Variants in TNS2 observed in about 807,000 individuals in gnomAD.
The protein encoded by TNS2 is tensin-2.
TNS2 carries 77 observed loss-of-function variants against 155.7 expected under a neutral mutation model. That is an observed-to-expected ratio of 0.49 (90% CI 0.41 to 0.60). The LOEUF (loss-of-function observed/expected upper bound fraction) is 0.60. Among genes scored for constraint, TNS2 ranks in the 20% least tolerant of loss-of-function variants. The pLI, the probability that TNS2 is intolerant of heterozygous loss-of-function variation, is 0.00. For missense variants in TNS2, 1,703 were observed against 1,868.8 expected (o/e 0.91, Z 1.64); for synonymous variants, 726 against 763.9 (o/e 0.95, Z 0.82).
chr12:53,058,617 C>T lies in TNS2; in HGVS notation c.1271C>T (p.Ser424Phe), dbSNP rs1349951423. 4 of 1,613,990 alleles carry T rather than the reference C, an allele frequency of 2.5e-6. No homozygotes were observed. Among genetic ancestry groups the T allele is most frequent in the Admixed American group, 3.3e-5 (2 of 59,990 alleles). The change falls in exon 16 of 29, where the codon TCC becomes TTC. Residue 424 changes from serine to phenylalanine, a missense_variant. Ser to Phe is a radical substitution (Grantham distance 155). Coordinates refer to ENST00000314250, the MANE Select transcript of TNS2 (RefSeq NM_170754.4). ...FQASVEFVFS[S>F]SPEKIKGSTP... is the part of the protein sequence containing the mutation. ...GCCTCCGTGGAGTTTGTCTTCTCCT[C>T]CAGCCCCGAGAAGATCAAAGGTAAG...
chr12:53,063,363 G>A lies in TNS2; in HGVS notation c.4007G>A (p.Arg1336His), dbSNP rs1944444476. Reference protein sequence around the residue: ...TDNQRKLFFRRHYPVNSITFS... With the variant: ...TDNQRKLFFRHHYPVNSITFS... The stretch of plus-strand genomic sequence containing the variant: ...CCTCCTTGCAGGCTCTTCTTTCGCC[G>A]CCATTATCCAGTGAACAGCATCACC... Residue 1336 changes from arginine (R) to histidine (H), a missense_variant, in exon 27 of 29, where the codon CGC becomes CAC. By Grantham distance (29) the Arg-to-His change is conservative (BLOSUM62 0). Transcript: ENST00000314250. This position sits in a 1 kb window ranked among gnomAD's most constrained non-coding sequence, Gnocchi z 5.6. The A allele has an allele frequency of 8.7e-6, 14 of 1,613,900 alleles. No homozygotes were observed. Among genetic ancestry groups the A allele is most frequent in the East Asian group, 2.2e-5 (1 of 44,854 alleles).
In TNS2 at chr12:53,059,150, AC is replaced by A; in HGVS notation, c.1515del (p.Met506CysfsTer14). On this transcript the variant is annotated frameshift_variant, in exon 18 of 29. Transcript: ENST00000314250. LOFTEE classifies it high-confidence loss of function. This position sits in a 1 kb window ranked among gnomAD's most constrained non-coding sequence, Gnocchi z 4.7. ...CGGCACCCTCTCCAGAGCCTCCACCACCCCCCATGCTCTCTGTCAGCAGCGA... is the reference window on the plus strand; with the variant it reads ...CGGCACCCTCTCCAGAGCCTCCACCACCCCCATGCTCTCTGTCAGCAGCGA... Reference protein sequence around the residue: ...PPAPSPEPPPPPMLSVSSDSG... With the variant: ...PPAPSPEPPPXPMLSVSSDSG... 2.5e-6 allele frequency: 4 copies of A among 1,575,844 alleles called. No individual in the cohort carries two copies. Among genetic ancestry groups the A allele is most frequent in the South Asian group, 1.1e-5 (1 of 87,448 alleles).
intron 3 of TNS2, 199 bp from the exon 4 acceptor site, chr12:53,053,212 C>T: frequency 1.7e-6 from 1 of 572,234 alleles, no homozygotes; most frequent in African/African-American, 2.7e-5. Context: ...GCGCCAAGAG[C>T]AACAAGTGGG....
intron 21 of TNS2, 69 bp from the exon 22 acceptor site, chr12:53,061,746 G>C: frequency 1.3e-6 from 2 of 1,557,316 alleles, no homozygotes; most frequent in Non-Finnish European, 1.7e-6. Flanking sequence ...CAGAGGAGGG[G>C]GGCTGCATGG....
Position 53,050,066 on chromosome 12 carries a change from G to A in TNS2, c.-120G>A. ...GCCGGGCTTCTCCTCACACCAGCCA[G>A]ACAGCCTACCCTCCGCCCAGGGGAA... On this transcript the variant is annotated 5_prime_UTR_variant, in exon 1 of 29. Coordinates refer to ENST00000314250, the MANE Select transcript of TNS2 (RefSeq NM_170754.4). This position sits in a 1 kb window ranked among gnomAD's most constrained non-coding sequence, Gnocchi z 4.7. 1 of 1,518,254 alleles carries A rather than the reference G, an allele frequency of 6.6e-7. No homozygotes were observed. The highest frequency in any genetic ancestry group is 8.8e-7 in the Non-Finnish European group (1 of 1,136,564). 94.0% of individuals were successfully genotyped at this position (1,518,254 alleles called of 1,614,324 possible).
chr12:53,058,741 T>C lies in TNS2; in HGVS notation c.1319T>C (p.Val440Ala), dbSNP rs73099912. ...KGSTPRNDPSVSVDYNTTEPA... is the reference protein window; with the variant it reads ...KGSTPRNDPSASVDYNTTEPA... ...AGCACTCCACGGAACGACCCCTCGG[T>C]CTCTGTCGACTACAACACCACTGAG... is the stretch of plus-strand genomic sequence containing the variant. The change falls in exon 17 of 29, where the codon GTC becomes GCC. Residue 440 changes from valine to alanine, a missense_variant. Physicochemically the swap from Val to Ala is moderately conservative, Grantham distance 64. Coordinates refer to ENST00000314250, the MANE Select transcript of TNS2 (RefSeq NM_170754.4). The C allele has an allele frequency of 4.7e-4, 751 of 1,613,910 alleles. No homozygotes were observed. Among genetic ancestry groups the C allele is most frequent in the Non-Finnish European group, 5.9e-4 (694 of 1,179,974 alleles).
At position 53,059,589 on chromosome 12, in the gene TNS2, G is replaced by T. The variant is rs202020569; in HGVS notation, c.1948G>T (p.Gly650Trp). ...GCGCCTCTGCCGATCGCTGTCAGAG[G>T]GGCTATACCCCTACCCACCTGAGAT... Reference protein sequence around the residue: ...KRRLCRSLSEGLYPYPPEMGK... With the variant: ...KRRLCRSLSEWLYPYPPEMGK... Residue 650 changes from glycine to tryptophan, a missense_variant, in exon 18 of 29, where the codon GGG (glycine) becomes TGG (tryptophan). Coordinates refer to ENST00000314250, the MANE Select transcript of TNS2 (RefSeq NM_170754.4). The surrounding 1 kb of genome is among the most constrained non-coding windows in gnomAD (Gnocchi z 4.7). 8.7e-6 allele frequency: 14 copies of T among 1,607,718 alleles called. No individual in the cohort carries two copies. Among genetic ancestry groups the T allele is most frequent in the Non-Finnish European group, 1.2e-5 (14 of 1,177,358 alleles).
chr12:53,054,559 G>T, intron 7 of TNS2, 118 bp downstream of exon 7: 1 of 1,199,460 alleles, frequency 8.3e-7, no homozygotes, highest in Non-Finnish European at 1.1e-6. Flanking sequence ...GACCAGAGTG[G>T]TGGGGTGGGG....
At position 53,062,414 on chromosome 12, in the gene TNS2, C is replaced by T. The variant is rs368415582; in HGVS notation, c.3706C>T (p.Pro1236Ser). The change falls in exon 24 of 29, where the codon CCC becomes TCC. Residue 1236 changes from proline to serine, a missense_variant. Pro to Ser is a moderately conservative substitution (Grantham distance 74, BLOSUM62 -1). Transcript: ENST00000314250. ...SALVSQHSIS[P>S]ISLPCCLRIP... ...CTTGGTCTCCCAGCACTCCATCTCC[C>T]CCATCTCCCTGCCCTGCTGCCTGCG... is the stretch of plus-strand genomic sequence containing the variant. The T allele has an allele frequency of 6.8e-6, 11 of 1,613,926 alleles. No homozygotes were observed. In the African/African-American group the frequency reaches 1.5e-4, roughly 22 times the overall value.
rs761346361 is a variant in TNS2 at position 53,063,629 on chromosome 12, G to C, written c.4091+37G>C. 2.2e-5 allele frequency: 35 copies of C among 1,614,072 alleles called. No homozygotes were observed. Among genetic ancestry groups the C allele is most frequent in the Non-Finnish European group, 2.8e-5 (33 of 1,180,030 alleles). ...CACGAATTCAGCCTCTTCCTTCCAAGGGACCAGGGCGCTGCTGTCCTCTCA... is the reference window on the plus strand; with the variant it reads ...CACGAATTCAGCCTCTTCCTTCCAACGGACCAGGGCGCTGCTGTCCTCTCA... On this transcript the variant is annotated intron_variant, in intron 28 of 28. Coordinates refer to ENST00000314250, the MANE Select transcript of TNS2 (RefSeq NM_170754.4). The surrounding 1 kb of genome is among the most constrained non-coding windows in gnomAD (Gnocchi z 5.6).
At chr12:53,053,052 G>A (rs796469357) in intron 3 of TNS2, 2 of 367,554 alleles carry the variant, frequency 5.4e-6, no homozygotes, top group South Asian at 4.4e-5. Context: ...GGGCCCTGGA[G>A]CTGGCTTGGG....
In TNS2 at chr12:53,054,420, C is replaced by T. The variant is rs1944058971; in HGVS notation, c.501C>T (p.Ser167=). ...GCGAGCTGGCCCATGTGCTGCAATC[C>T]AAGCACCGGGACAAGTACCTGGTGA... The part of the protein sequence containing the change: ...HLRELAHVLQ[S]KHRDKYLLFN... Residue 167 remains serine (S), a synonymous_variant, in exon 7 of 29, where the codon TCC becomes TCT. Coordinates refer to ENST00000314250, the MANE Select transcript of TNS2 (RefSeq NM_170754.4). 7 of 1,604,618 alleles carry T rather than the reference C, an allele frequency of 4.4e-6. No homozygotes were observed. Among genetic ancestry groups the T allele is most frequent in the African/African-American group, 1.3e-5 (1 of 74,272 alleles).
intron 4 of TNS2, 113 bp from the exon 5 acceptor site, chr12:53,053,661 A>C (rs1314494161): frequency 6.6e-7 from 1 of 1,504,568 alleles, no homozygotes; most frequent in Non-Finnish European, 9.0e-7. Flanking sequence ...CCCCTTATCC[A>C]GTACAGCCTT....
At chr12:53,047,276 C>T (rs1943754790), upstream of TNS2, among the ~76,000 whole-genome samples, 1 of 144,566 alleles carries the variant, frequency 6.9e-6, no homozygotes, top group Admixed American at 6.8e-5. Context: ...CCTCCGCGTC[C>T]GCTCGGCGCG....
intron 25 of TNS2, 193 bp from the exon 26 acceptor site, chr12:53,062,896 G>A: frequency 1.1e-6 from 1 of 923,204 alleles, no homozygotes; most frequent in South Asian, 1.8e-5. Context: ...AGACGATCAT[G>A]GGGTGGTAGC....
intron 13 of TNS2, 21 bp from the exon 14 acceptor site, chr12:53,058,006 C>G: frequency 6.2e-7 from 1 of 1,613,988 alleles, no homozygotes; most frequent in Non-Finnish European, 8.5e-7. Context: ...TTCATCTCTG[C>G]CTTCTCCTCT....
At chr12:53,048,933 T>G, upstream of TNS2, 1 of 461,436 alleles carries the variant, frequency 2.2e-6, no homozygotes, top group Non-Finnish European at 3.8e-6. Flanking sequence ...ACCATGCAAA[T>G]GAGAGGGGCA....
intron 6 of TNS2, 66 bp downstream of exon 6, chr12:53,054,080 G>A: frequency 6.2e-7 from 1 of 1,608,442 alleles, no homozygotes; most frequent in Non-Finnish European, 8.5e-7. Flanking sequence ...CTCAGCCCAG[G>A]GCACTGCCCC....
intron 7 of TNS2, among the ~76,000 whole-genome samples, 160 bp from the exon 8 acceptor site, chr12:53,055,026 C>T (rs1188150563): frequency 1.3e-5 from 2 of 151,934 alleles, no homozygotes; most frequent in East Asian, 1.9e-4. Context: ...TCAGGTGACC[C>T]GCCCGCCTTG....
Sources: allele counts gnomAD v4.1 joint callset (sites outside exome capture counted in the v4.1 genomes callset), GRCh38; gene constraint gnomAD v4.1.1; non-coding constraint Gnocchi (gnomAD v3.1); transcripts MANE v1.5; gene names NCBI Gene and HGNC (gene_info 2026-07-23, HGNC 2026-07-21).